ARFGEF1: variants seen among roughly 807,000 people sequenced by gnomAD.
ARFGEF1 encodes the protein ARF guanine nucleotide exchange factor 1, also known as brefeldin A-inhibited guanine nucleotide-exchange protein 1.
A neutral mutation model predicts 231.0 loss-of-function variants in ARFGEF1; 42 were observed. That is an observed-to-expected ratio of 0.18 (90% CI 0.14 to 0.24). The LOEUF is 0.24. Ranked by LOEUF, ARFGEF1 falls within the 10% of genes least tolerant of loss-of-function variation. The probability of loss-of-function intolerance (pLI) is 1.00; values close to 1 mark genes in which losing one functional copy is unlikely to be tolerated. For synonymous variants in ARFGEF1, 710 were observed against 732.3 expected, an observed-to-expected ratio of 0.97 and a Z score of 0.49; for missense variants, 1,345 against 2,192.0, an observed-to-expected ratio of 0.61 and a Z score of 7.72.
rs144810506 is a variant in ARFGEF1 at position 67,282,282 on chromosome 8, T to C, written c.1028-4825A>G. 4.4e-3 allele frequency among the ~76,000 whole-genome samples: 672 copies of C among 152,150 alleles called. 2 individuals carry two copies. The highest frequency in any genetic ancestry group is 0.015 in the African/African-American group (640 of 41,530). On this transcript the variant is annotated intron_variant, in intron 7 of 38. Coordinates refer to ENST00000262215, the MANE Select transcript of ARFGEF1 (RefSeq NM_006421.5). ...ACAGAAAACTCAAAAAACAGAACCA[T>C]TTAGGATAAAGTTTTCATTTCAAAT... is the stretch of plus-strand genomic sequence containing the variant.
At chr8:67,292,427 G>T (rs542410887) in intron 5 of ARFGEF1, among the ~76,000 whole-genome samples, 3 of 152,160 alleles carry the variant, frequency 2.0e-5, no homozygotes, top group South Asian at 4.1e-4. Context: ...TATACATACA[G>T]AAAGTCTATA....
chr8:67,198,232 A>G lies in ARFGEF1; in HGVS notation c.*702T>C. ...GCCTCAAAATCACCACCTACCAAAA[A>G]GGGCAAAACTAAAAATCCCTATAAA... On this transcript the variant is annotated 3_prime_UTR_variant, in exon 39 of 39. Coordinates refer to ENST00000262215, the MANE Select transcript of ARFGEF1 (RefSeq NM_006421.5). The G allele has an allele frequency of 2.0e-6, 2 of 985,852 alleles. No homozygotes were observed. Among genetic ancestry groups the G allele is most frequent in the Non-Finnish European group, 2.4e-6 (2 of 829,924 alleles). The allele number at this position is 985,852 out of a possible 1,614,324, so 61.1% of individuals were successfully genotyped here. A position where few individuals can be genotyped will look rare whatever the true frequency, so the allele number is the denominator to read the frequency against.
rs149832514 is a variant in ARFGEF1, at chr8:67,313,530, G to A, written c.125-11064C>T. 6.0e-3 allele frequency among the ~76,000 whole-genome samples: 919 copies of A among 152,222 alleles called. 10 individuals carry two copies. Among genetic ancestry groups the A allele is most frequent in the African/African-American group, 0.021 (859 of 41,524 alleles). ...CCATGGATGTGGCTTCCTGTGAGCCGAACTGCAGTGATTGTTGTCTCTCTT... is the reference window on the plus strand; with the variant it reads ...CCATGGATGTGGCTTCCTGTGAGCCAAACTGCAGTGATTGTTGTCTCTCTT... On this transcript the variant is annotated intron_variant, in intron 1 of 38. Coordinates refer to ENST00000262215, the MANE Select transcript of ARFGEF1 (RefSeq NM_006421.5).
At chr8:67,211,689 AT>A in intron 33 of ARFGEF1, 74 bp from the exon 34 acceptor site, 1 of 884,944 alleles carries the variant, frequency 1.1e-6, no homozygotes, top group Non-Finnish European at 1.6e-6. Flanking sequence ...CTAAAACGCT[AT>A]TTTAAAAAAT....
intron 5 of ARFGEF1, among the ~76,000 whole-genome samples, chr8:67,175,758 A>C (rs1037200483): frequency 6.6e-6 from 1 of 152,254 alleles, no homozygotes; most frequent in African/African-American, 2.4e-5. Flanking sequence ...CAGACATATC[A>C]GTGCCCTGTC....
chr8:67,310,721 A>T (rs1177632487), intron 1 of ARFGEF1, among the ~76,000 whole-genome samples: 1 of 149,704 alleles, frequency 6.7e-6, no homozygotes, highest in Admixed American at 6.6e-5. Context: ...CCAATCTGGG[A>T]TGTGAGGAGC....
chr8:67,327,697 T>G (rs1303416087), intron 1 of ARFGEF1, among the ~76,000 whole-genome samples: 3 of 152,228 alleles, frequency 2.0e-5, no homozygotes, highest in African/African-American at 7.2e-5. Flanking sequence ...TTACTTGGTA[T>G]GATTATATTT....
chr8:67,296,311 T>G (rs555977629), intron 5 of ARFGEF1, 120 bp downstream of exon 5: 22 of 938,190 alleles, frequency 2.3e-5, no homozygotes, highest in Non-Finnish European at 3.1e-5. Flanking sequence ...TAAGTGGAAA[T>G]GTAAATAAAA....
intron 19 of ARFGEF1, among the ~76,000 whole-genome samples, chr8:67,242,819 C>T (rs907301995): frequency 6.6e-6 from 1 of 152,200 alleles, no homozygotes; most frequent in African/African-American, 2.4e-5. Flanking sequence ...GGCCTGGCAG[C>T]ATTCAAGACA....
chr8:67,230,200 T>C (rs767952561), intron 23 of ARFGEF1, among the ~76,000 whole-genome samples: 2 of 152,054 alleles, frequency 1.3e-5, no homozygotes, highest in Non-Finnish European at 2.9e-5. Flanking sequence ...GCCTTAACAT[T>C]AAGGCAAGAG....
intron 5 of ARFGEF1, among the ~76,000 whole-genome samples, chr8:67,189,996 C>A (rs1411465324): frequency 6.6e-6 from 1 of 152,118 alleles, no homozygotes; most frequent in East Asian, 1.9e-4. Context: ...AACCCTCTTA[C>A]AATGTAAAAT....
intron 5 of ARFGEF1, among the ~76,000 whole-genome samples, chr8:67,293,386 A>C (rs556389627): frequency 6.6e-6 from 1 of 152,168 alleles, no homozygotes; most frequent in African/African-American, 2.4e-5. Flanking sequence ...CTTAATAAAA[A>C]GTCTGTTAAT....
At chr8:67,213,049 CTAAG>C (rs1411656304) in intron 33 of ARFGEF1, among the ~76,000 whole-genome samples, 1 of 152,058 alleles carries the variant, frequency 6.6e-6, no homozygotes, top group Non-Finnish European at 1.5e-5. Context: ...TTGGGATGTC[CTAAG>C]TAATAGTGGG....
chr8:67,226,996 T>C lies in ARFGEF1; in HGVS notation c.3916+141A>G, dbSNP rs1839397006. ...GTTAACTATAATAGTAATTTAATTGTTTTTATTTACTCTGGTTCTGTAGAC... is the reference window on the plus strand; with the variant it reads ...GTTAACTATAATAGTAATTTAATTGCTTTTATTTACTCTGGTTCTGTAGAC... On this transcript the variant is annotated intron_variant, in intron 27 of 38. Coordinates refer to ENST00000262215, the MANE Select transcript of ARFGEF1 (RefSeq NM_006421.5). The C allele has an allele frequency of 4.4e-6, 3 of 689,050 alleles. No homozygotes were observed. In the Admixed American group the frequency reaches 9.2e-5, roughly 21 times the overall value. 42.7% of individuals were successfully genotyped at this position (689,050 alleles called of 1,614,324 possible).
At chr8:67,278,327 G>A (rs762483780) in intron 7 of ARFGEF1, among the ~76,000 whole-genome samples, 8 of 152,094 alleles carry the variant, frequency 5.3e-5, no homozygotes, top group Non-Finnish European at 1.0e-4. Flanking sequence ...GTTTCTTCAT[G>A]AGTAACAGAA....
chr8:67,288,100 T>A, intron 6 of ARFGEF1, 35 bp from the exon 7 acceptor site: 1 of 1,453,536 alleles, frequency 6.9e-7, no homozygotes, highest in Non-Finnish European at 9.3e-7. Flanking sequence ...GAACATTATT[T>A]TAACTTTTTG....
intron 1 of ARFGEF1, among the ~76,000 whole-genome samples, chr8:67,338,458 T>C (rs934091630): frequency 1.8e-4 from 28 of 152,214 alleles, no homozygotes; most frequent in Non-Finnish European, 2.8e-4. Flanking sequence ...TTAAACAAAA[T>C]TGAGCAGGTG....
At chr8:67,310,962 A>C (rs912317359) in intron 1 of ARFGEF1, among the ~76,000 whole-genome samples, 5 of 2,740 alleles carry the variant, frequency 1.8e-3, no homozygotes, top group Non-Finnish European at 4.8e-3. Flanking sequence ...TCCAGGAGGG[A>C]GGTGGGGCCC....
At chr8:67,280,822 A>G (rs1438928640) in intron 7 of ARFGEF1, among the ~76,000 whole-genome samples, 1 of 152,178 alleles carries the variant, frequency 6.6e-6, no homozygotes, top group East Asian at 1.9e-4. Flanking sequence ...AACATATACA[A>G]TTACTGAGAG....
Sources: allele counts gnomAD v4.1 joint callset (sites outside exome capture counted in the v4.1 genomes callset), GRCh38; gene constraint gnomAD v4.1.1; transcripts MANE v1.5; gene names NCBI Gene and HGNC (gene_info 2026-07-23, HGNC 2026-07-21).